Variants in PECR observed in about 807,000 individuals in gnomAD.
PECR encodes the protein 2,4-dienoyl-CoA reductase-related protein.
A neutral mutation model predicts 35.3 loss-of-function variants in PECR; 30 were observed. The ratio of observed to expected loss-of-function variants is 0.85; its 90% CI spans 0.64 to 1.15. The LOEUF is 1.15. PECR is among the 50% of genes most tolerant of loss of function. PECR has a pLI of 0.00. For missense variants in PECR, 392 were observed against 370.8 expected (o/e 1.06, Z -0.47); for synonymous variants, 148 against 138.9 (o/e 1.07, Z -0.46).
In PECR at chr2:216,039,347, C is replaced by A; in HGVS notation, c.840G>T (p.Trp280Cys). The A allele has an allele frequency of 6.2e-7, 1 of 1,601,538 alleles. No individual in the cohort carries two copies. The highest frequency in any genetic ancestry group is 8.6e-7 in the Non-Finnish European group (1 of 1,168,594). ...CAGAAAGGTCCCCTGCTCCCTTGGG[C>A]CAGTTGTCATGATCTGTTAAAGAAG... ...HSYEVPDHDN[W>C]PKGAGDLSVV... Residue 280 changes from tryptophan (W) to cysteine (C), a missense_variant, in exon 8 of 8, where the codon TGG becomes TGT. Coordinates refer to ENST00000265322, the MANE Select transcript of PECR (RefSeq NM_018441.6).
intron 1 of PECR, among the ~76,000 whole-genome samples, chr2:216,069,775 A>C (rs868000150): frequency 7.9e-5 from 12 of 152,024 alleles, no homozygotes; most frequent in South Asian, 6.2e-4. Flanking sequence ...TTTTCTACTA[A>C]AAATACAAAA....
chr2:216,073,779 G>A (rs1695632129), intron 1 of PECR, among the ~76,000 whole-genome samples: 1 of 152,084 alleles, frequency 6.6e-6, no homozygotes, highest in Non-Finnish European at 1.5e-5. Flanking sequence ...CAGGTTTGGA[G>A]CCTAGAAGCA....
At chr2:216,050,291 T>C (rs749098921) in intron 5 of PECR, among the ~76,000 whole-genome samples, 17 of 152,200 alleles carry the variant, frequency 1.1e-4, no homozygotes, top group African/African-American at 2.7e-4. Context: ...TGTTGAATTA[T>C]GGAGAGAAGG....
Position 216,039,322 on chromosome 2 carries a change from C to T in PECR, c.865G>A (p.Val289Ile). The T allele has an allele frequency of 6.2e-7, 1 of 1,610,446 alleles. No individual in the cohort carries two copies. The highest frequency in any genetic ancestry group is 2.2e-5 in the East Asian group (1 of 44,858). Reference sequence around the variant, plus strand: ...AAGGTCTCCTTCATCTTTTTGACAACAGAAAGGTCCCCTGCTCCCTTGGGC... The same window carrying T: ...AAGGTCTCCTTCATCTTTTTGACAATAGAAAGGTCCCCTGCTCCCTTGGGC... The part of the protein sequence containing the change: ...NWPKGAGDLS[V>I]VKKMKETFKE... The change falls in exon 8 of 8, where the codon GTT becomes ATT. Residue 289 changes from valine to isoleucine, a missense_variant. Transcript: ENST00000265322.
rs751542181 is a variant in PECR, at chr2:216,074,493, A to AAAGGAAGGAAGGAAGG, written c.124+7109_124+7124dup. On this transcript the variant is annotated intron_variant, in intron 1 of 7. Coordinates refer to ENST00000265322, the MANE Select transcript of PECR (RefSeq NM_018441.6). ...GAAAGAGAGAGAGAAAGAAAGAAAAAAAGGAAGGAAGGAAGGAAGGAAGGA... is the reference window on the plus strand; with the variant it reads ...GAAAGAGAGAGAGAAAGAAAGAAAAAAAGGAAGGAAGGAAGGAAGGAAGGAAGGAAGGAAGGAAGGA... 9.6e-3 allele frequency among the ~76,000 whole-genome samples: 1,274 copies of AAAGGAAGGAAGGAAGG among 133,090 alleles called. 23 individuals carry two copies. Among genetic ancestry groups the AAAGGAAGGAAGGAAGG allele is most frequent in the East Asian group, 0.077 (336 of 4,390 alleles). The allele number at this position is 133,090 out of a possible 152,430, so 87.3% of individuals were successfully genotyped here.
At chr2:216,047,650 G>T (rs1212034411) in intron 6 of PECR, among the ~76,000 whole-genome samples, 1 of 152,110 alleles carries the variant, frequency 6.6e-6, no homozygotes, top group African/African-American at 2.4e-5. Context: ...CAGCTTCATA[G>T]TATGTAAATA....
chr2:216,035,587 A>G (rs1694780881), downstream of PECR, among the ~76,000 whole-genome samples: 1 of 151,886 alleles, frequency 6.6e-6, no homozygotes, highest in African/African-American at 2.4e-5. Context: ...CTCAGGTTCA[A>G]GTGATTCTCC....
At chr2:216,031,268 A>G (rs1694685123) in intron 7 of PECR, among the ~76,000 whole-genome samples, 1 of 151,838 alleles carries the variant, frequency 6.6e-6, no homozygotes, top group African/African-American at 2.4e-5. Context: ...TTAGCTGGGC[A>G]TGGTGGTGGG....
At chr2:216,078,020 TAAAAA>T (rs201383225) in intron 1 of PECR, among the ~76,000 whole-genome samples, 3 of 138,004 alleles carry the variant, frequency 2.2e-5, no homozygotes, top group Non-Finnish European at 4.8e-5. Flanking sequence ...TATTTTTCGT[TAAAAA>T]AAAAAAAAAG....
At chr2:216,077,447 C>A (rs907105695) in intron 1 of PECR, among the ~76,000 whole-genome samples, 1 of 151,752 alleles carries the variant, frequency 6.6e-6, no homozygotes, top group African/African-American at 2.4e-5. Flanking sequence ...GCGGAGCTTG[C>A]AGTGAGCCAA....
At chr2:216,031,665 AAGAAAGAAAGAAAGAAAGAAAGAAAG>A (rs780886555) in intron 7 of PECR, among the ~76,000 whole-genome samples, 3 of 84,856 alleles carry the variant, frequency 3.5e-5, no homozygotes, top group African/African-American at 1.3e-4. Flanking sequence ...GAAAGAAAGA[AAGAAAGAAAGAAAGAAAGAAAGAAAG>A]AGAAAGAAAG....
At chr2:216,074,419 G>A (rs1439076064) in intron 1 of PECR, among the ~76,000 whole-genome samples, 1 of 151,358 alleles carries the variant, frequency 6.6e-6, no homozygotes, top group African/African-American at 2.4e-5. Context: ...GTGACAGAGT[G>A]AGACTGTGTC....
At chr2:216,053,772 A>G (rs1013385642) in intron 4 of PECR, among the ~76,000 whole-genome samples, 1 of 152,166 alleles carries the variant, frequency 6.6e-6, no homozygotes, top group African/African-American at 2.4e-5. Context: ...AGGTTGTAGA[A>G]AAAGACCTTC....
intron 1 of PECR, among the ~76,000 whole-genome samples, chr2:216,070,969 T>A (rs1317428254): frequency 3.3e-5 from 5 of 152,216 alleles, no homozygotes; most frequent in Admixed American, 3.3e-4. Context: ...ACTGAGTTGA[T>A]CACGACCCTC....
At chr2:216,040,614 A>T (rs1217050067) in intron 7 of PECR, among the ~76,000 whole-genome samples, 1 of 152,074 alleles carries the variant, frequency 6.6e-6, no homozygotes, top group African/African-American at 2.4e-5. Context: ...CATGCCTGTA[A>T]TCCCAGCACT....
intron 5 of PECR, 67 bp from the exon 6 acceptor site, chr2:216,049,440 C>G (rs1695060997): frequency 1.2e-5 from 9 of 723,402 alleles, no homozygotes; most frequent in Non-Finnish European, 1.9e-5. Flanking sequence ...ATAAAGATAT[C>G]AAGATACTCT....
intron 3 of PECR, among the ~76,000 whole-genome samples, chr2:216,059,884 T>G (rs925691444): frequency 6.6e-6 from 1 of 152,258 alleles, no homozygotes; most frequent in South Asian, 2.1e-4. Flanking sequence ...TTGGCTATTC[T>G]GGGCCCTCTG....
intron 2 of PECR, among the ~76,000 whole-genome samples, chr2:216,066,120 T>C (rs1302013380): frequency 1.3e-5 from 2 of 151,938 alleles, no homozygotes; most frequent in African/African-American, 2.4e-5. Flanking sequence ...GAAGACTTTG[T>C]CTCAAAAAAA....
At chr2:216,033,560 G>C (rs192019391), downstream of PECR, 1 of 152,480 alleles carries the variant, frequency 6.6e-6, no homozygotes, top group East Asian at 1.9e-4. Context: ...AGAAAGGTCA[G>C]TAACCTCAGC....
Sources: allele counts gnomAD v4.1 joint callset (sites outside exome capture counted in the v4.1 genomes callset), GRCh38; gene constraint gnomAD v4.1.1; transcripts MANE v1.5; gene names NCBI Gene and HGNC (gene_info 2026-07-23, HGNC 2026-07-21).